Variants in MDFIC observed in about 807,000 individuals in gnomAD.
MDFIC encodes the protein myoD family inhibitor domain-containing protein.
MDFIC carries 17 observed loss-of-function variants against 23.2 expected under a neutral mutation model. The ratio of observed to expected loss-of-function variants is 0.73; its 90% CI spans 0.50 to 1.10. MDFIC has a LOEUF of 1.10. Among genes scored for constraint, MDFIC ranks in the 50% least tolerant of loss-of-function variants. MDFIC has a pLI of 0.00. For missense variants in MDFIC, 356 were observed against 316.6 expected (o/e 1.12, Z -0.95); for synonymous variants, 120 against 115.2 (o/e 1.04, Z -0.27).
At chr7:114,982,139 T>C (rs909431872) in intron 4 of MDFIC, among the ~76,000 whole-genome samples, 1 of 152,188 alleles carries the variant, frequency 6.6e-6, no homozygotes, top group Non-Finnish European at 1.5e-5. Flanking sequence ...TCTTGCTCTA[T>C]AGAATATGTG....
At chr7:114,966,434 A>G (rs1404158205) in intron 3 of MDFIC, among the ~76,000 whole-genome samples, 2 of 150,374 alleles carry the variant, frequency 1.3e-5, no homozygotes, top group Non-Finnish European at 3.0e-5. Flanking sequence ...AAAAAACACC[A>G]CCAAACTGGG....
intron 4 of MDFIC, among the ~76,000 whole-genome samples, chr7:115,014,783 C>G (rs1391770149): frequency 6.6e-6 from 1 of 152,166 alleles, no homozygotes; most frequent in African/African-American, 2.4e-5. Flanking sequence ...TTACCCCTCT[C>G]ACTTGCCCCA....
intron 4 of MDFIC, chr7:115,014,553 G>A (rs1230242073): frequency 7.9e-7 from 1 of 1,273,698 alleles, no homozygotes; most frequent in Non-Finnish European, 1.0e-6. Context: ...TGGGGTTGTT[G>A]TGTCTTATCG....
chr7:114,928,536 G>A (rs954881831), intron 2 of MDFIC, among the ~76,000 whole-genome samples: 8 of 152,312 alleles, frequency 5.3e-5, no homozygotes, highest in Admixed American at 4.6e-4. Flanking sequence ...ATAAGTGGTA[G>A]AAAACAAGGC....
intron 4 of MDFIC, among the ~76,000 whole-genome samples, chr7:115,002,281 T>C (rs1791480137): frequency 6.6e-6 from 1 of 152,222 alleles, no homozygotes; most frequent in Non-Finnish European, 1.5e-5. Flanking sequence ...ATCTGGATTC[T>C]CTGTCTTTTC....
At chr7:114,942,505 C>T (rs1004405473) in intron 3 of MDFIC, 108 bp downstream of exon 3, 51 of 851,574 alleles carry the variant, frequency 6.0e-5, no homozygotes, top group Middle Eastern at 5.3e-4. Context: ...AAATCAACAG[C>T]GTTTATCTAA....
In MDFIC at chr7:114,922,408, G is replaced by C. The variant is rs1010211594; in HGVS notation, c.-336G>C. The C allele has an allele frequency of 8.1e-7, 1 of 1,238,952 alleles. No individual in the cohort carries two copies. 76.7% of individuals were successfully genotyped at this position (1,238,952 alleles called of 1,614,324 possible). A position where few individuals can be genotyped will look rare whatever the true frequency, so the allele number is the denominator to read the frequency against. On this transcript the variant is annotated 5_prime_UTR_variant, in exon 1 of 5. Transcript: ENST00000393486. ...GGCTGGAGTGAGCTGGCTGGAAAGA[G>C]GGGGCGGAGTGCGCGGAGTCAGAGC...
intron 3 of MDFIC, among the ~76,000 whole-genome samples, chr7:114,948,517 C>A (rs893106320): frequency 6.6e-6 from 1 of 151,898 alleles, no homozygotes; most frequent in Admixed American, 6.6e-5. Flanking sequence ...ACCTTACTTC[C>A]CTCCCTGCCT....
intron 3 of MDFIC, among the ~76,000 whole-genome samples, chr7:114,948,423 G>A (rs1792692767): frequency 6.6e-6 from 1 of 152,114 alleles, no homozygotes; most frequent in Non-Finnish European, 1.5e-5. Context: ...GAGGTGAATA[G>A]GAATGACACT....
At chr7:114,983,769 C>G (rs929093453) in intron 4 of MDFIC, among the ~76,000 whole-genome samples, 1 of 151,778 alleles carries the variant, frequency 6.6e-6, no homozygotes, top group African/African-American at 2.4e-5. Flanking sequence ...TGGGGTTTCA[C>G]CACGTTGGCC....
chr7:114,928,549 G>T (rs1201403149), intron 2 of MDFIC, among the ~76,000 whole-genome samples: 1 of 152,178 alleles, frequency 6.6e-6, no homozygotes, highest in Non-Finnish European at 1.5e-5. Context: ...AACAAGGCTT[G>T]GGGGAGATGA....
At position 114,922,239 on chromosome 7, in the gene MDFIC, T is replaced by G; in HGVS notation, c.-505T>G. The stretch of plus-strand genomic sequence containing the variant: ...AGCCCGGGTCGCGCCGCTCCCAGCA[T>G]CGGGGCCGCTAGCCAAGAGTTCGAG... On this transcript the variant is annotated 5_prime_UTR_variant, in exon 1 of 5. Coordinates refer to ENST00000393486, the MANE Select transcript of MDFIC (RefSeq NM_001166345.3). 14 of 559,740 alleles carry G rather than the reference T, an allele frequency of 2.5e-5. No homozygotes were observed. Among genetic ancestry groups the G allele is most frequent in the South Asian group, 9.6e-5 (1 of 10,366 alleles). 34.7% of individuals were successfully genotyped at this position (559,740 alleles called of 1,614,324 possible).
At chr7:114,945,611 GAAA>G (rs942583758) in intron 3 of MDFIC, among the ~76,000 whole-genome samples, 38 of 152,258 alleles carry the variant, frequency 2.5e-4, no homozygotes, top group African/African-American at 7.9e-4. Context: ...ATAAAAAGAA[GAAA>G]CTCATATGGA....
At chr7:114,924,338 T>TA (rs1792149672) in intron 2 of MDFIC, among the ~76,000 whole-genome samples, 1 of 152,244 alleles carries the variant, frequency 6.6e-6, no homozygotes, top group Admixed American at 6.5e-5. Flanking sequence ...ATGGGCTGTT[T>TA]ATGCTCACAC....
At chr7:114,950,659 G>A (rs1206751448) in intron 3 of MDFIC, among the ~76,000 whole-genome samples, 3 of 152,072 alleles carry the variant, frequency 2.0e-5, no homozygotes, top group African/African-American at 4.8e-5. Flanking sequence ...TCTCAGGGGA[G>A]GTAAAGGCTC....
chr7:114,979,151 C>G (rs1793371463), intron 3 of MDFIC, among the ~76,000 whole-genome samples: 1 of 152,040 alleles, frequency 6.6e-6, no homozygotes, highest in Non-Finnish European at 1.5e-5. Context: ...TGTCTATGCA[C>G]AAAGAGGGCT....
At chr7:114,974,680 T>G (rs1369417760) in intron 3 of MDFIC, among the ~76,000 whole-genome samples, 2 of 152,164 alleles carry the variant, frequency 1.3e-5, no homozygotes, top group Non-Finnish European at 2.9e-5. Context: ...TGGTTTCAAG[T>G]ATAGTTATTA....
At chr7:114,944,904 C>A (rs975375275) in intron 3 of MDFIC, among the ~76,000 whole-genome samples, 18 of 152,166 alleles carry the variant, frequency 1.2e-4, no homozygotes, top group Non-Finnish European at 2.2e-4. Context: ...AAGAAGCGGA[C>A]AGCTGGCTCT....
At chr7:115,013,482 G>C (rs1791723620) in intron 4 of MDFIC, among the ~76,000 whole-genome samples, 1 of 152,084 alleles carries the variant, frequency 6.6e-6, no homozygotes, top group Non-Finnish European at 1.5e-5. Context: ...TCAGTTAAAG[G>C]TTCTTCAATG....
Sources: allele counts gnomAD v4.1 joint callset (sites outside exome capture counted in the v4.1 genomes callset), GRCh38; gene constraint gnomAD v4.1.1; transcripts MANE v1.5; gene names NCBI Gene and HGNC (gene_info 2026-07-23, HGNC 2026-07-21).